The following POGLUT2 variants were observed in gnomAD, a reference collection of about 807,000 sequenced individuals.
POGLUT2 encodes protein O-glucosyltransferase 2.
POGLUT2 carries 47 observed loss-of-function variants against 57.6 expected under a neutral mutation model. That is an observed-to-expected ratio of 0.82 (90% CI 0.65 to 1.04). POGLUT2 has a LOEUF of 1.04. Ranked by LOEUF, POGLUT2 falls within the 50% of genes least tolerant of loss-of-function variation. The probability of loss-of-function intolerance (pLI) is 0.00; values close to 1 mark genes in which losing one functional copy is unlikely to be tolerated. For synonymous variants in POGLUT2, 200 were observed against 218.8 expected, an observed-to-expected ratio of 0.91 and a Z score of 0.76; for missense variants, 565 against 614.8, an observed-to-expected ratio of 0.92 and a Z score of 0.86.
intron 9 of POGLUT2, among the ~76,000 whole-genome samples, chr13:102,785,890 T>A (rs1877921589): frequency 6.6e-6 from 1 of 152,242 alleles, no homozygotes; most frequent in African/African-American, 2.4e-5. Context: ...TTTGCCAAAC[T>A]TATCTCATGA....
At position 102,797,441 on chromosome 13, in the gene POGLUT2, G is replaced by C. The variant is rs993722483; in HGVS notation, c.183-432C>G. ...TTACAATATCAGTATTATAAATCAC[G>C]CTCAGGCCTGGCACTGTGGCCCATG... On this transcript the variant is annotated intron_variant, in intron 1 of 9. Coordinates refer to ENST00000376004, the MANE Select transcript of POGLUT2 (RefSeq NM_024089.3). Among the ~76,000 whole-genome samples the C allele has an allele frequency of 3.0e-4, 45 of 151,966 alleles. 1 individual carries two copies. Among genetic ancestry groups the C allele is most frequent in the Non-Finnish European group, 2.9e-4 (20 of 68,014 alleles).
In POGLUT2 at chr13:102,793,543, T is replaced by G. The variant is rs1400425015; in HGVS notation, c.594+58A>C. On this transcript the variant is annotated intron_variant, in intron 3 of 9. Coordinates refer to ENST00000376004, the MANE Select transcript of POGLUT2 (RefSeq NM_024089.3). ...AATGATTTAGCTAATTGTAGCCAAA[T>G]GTTCAAAACAAGAAAAAAAATCACT... 4 of 1,483,030 alleles carry G rather than the reference T, an allele frequency of 2.7e-6. No homozygotes were observed. The African/African-American group carries it at 4.2e-5, about 15-fold the overall frequency. 91.9% of individuals were successfully genotyped at this position (1,483,030 alleles called of 1,614,324 possible).
rs771706607 is a variant in POGLUT2 at position 102,789,102 on chromosome 13, C to A, written c.1203G>T (p.Glu401Asp). 6.2e-7 allele frequency: 1 copy of A among 1,614,162 alleles called. No individual in the cohort carries two copies. Among genetic ancestry groups the A allele is most frequent in the Non-Finnish European group, 8.5e-7 (1 of 1,180,010 alleles). Residue 401 changes from glutamate (E) to aspartate (D), a missense_variant, in exon 7 of 10, where the codon GAG (glutamate) becomes GAT (aspartate). Glu to Asp is a conservative substitution (Grantham distance 45). Transcript: ENST00000376004. The stretch of plus-strand genomic sequence containing the variant: ...GAATGTAGTGTTTCCAGGGCTGCAG[C>A]TCATTGTAAAAATGTTCATAGTAGA... ...DSIYYEHFYN[E>D]LQPWKHYIPV...
At chr13:102,791,977 G>C (rs1447447575) in intron 4 of POGLUT2, 1 of 1,287,352 alleles carries the variant, frequency 7.8e-7, no homozygotes, top group Non-Finnish European at 1.0e-6. Context: ...CATTTTTAAG[G>C]CCAGAAAAGC....
chr13:102,786,043 T>C (rs556752521), intron 9 of POGLUT2, among the ~76,000 whole-genome samples, 189 bp downstream of exon 9: 2 of 152,360 alleles, frequency 1.3e-5, no homozygotes, highest in East Asian at 1.9e-4. Context: ...CTCAATTAAC[T>C]GCATTGTAGC....
chr13:102,794,592 G>A (rs993482900), intron 2 of POGLUT2, among the ~76,000 whole-genome samples: 1 of 152,220 alleles, frequency 6.6e-6, no homozygotes, highest in Non-Finnish European at 1.5e-5. Flanking sequence ...TTGAATCTGG[G>A]AGGTGAAGGT....
At chr13:102,785,128 A>T (rs980028015) in intron 9 of POGLUT2, among the ~76,000 whole-genome samples, 1 of 152,248 alleles carries the variant, frequency 6.6e-6, no homozygotes, top group Non-Finnish European at 1.5e-5. Context: ...TATAAAAAAC[A>T]AAGACAAAAA....
At chr13:102,792,136 C>A in intron 4 of POGLUT2, 1 of 1,228,014 alleles carries the variant, frequency 8.1e-7, no homozygotes, top group Non-Finnish European at 1.0e-6. Context: ...TATATAACTA[C>A]CTACATTCAG....
intron 4 of POGLUT2, among the ~76,000 whole-genome samples, chr13:102,791,745 C>G (rs1174920921): frequency 6.6e-6 from 1 of 152,152 alleles, no homozygotes; most frequent in Non-Finnish European, 1.5e-5. Flanking sequence ...GACTCTAACC[C>G]TAGTTTCCTG....
At chr13:102,788,263 A>G (rs1800624223) in intron 7 of POGLUT2, among the ~76,000 whole-genome samples, 1 of 152,200 alleles carries the variant, frequency 6.6e-6, no homozygotes, top group South Asian at 2.1e-4. Flanking sequence ...ATTAGCTTAA[A>G]GTTTATTGCA....
intron 9 of POGLUT2, 24 bp downstream of exon 9, chr13:102,786,208 G>A (rs756468055): frequency 1.9e-5 from 28 of 1,442,168 alleles, no homozygotes; most frequent in East Asian, 4.5e-5. Context: ...CTCTGACACC[G>A]GCCATAAGCT....
chr13:102,784,991 C>T (rs1377333049), intron 9 of POGLUT2, among the ~76,000 whole-genome samples: 1 of 152,088 alleles, frequency 6.6e-6, no homozygotes, highest in Non-Finnish European at 1.5e-5. Flanking sequence ...GAGGGGGAAC[C>T]TTTCGATTTG....
chr13:102,787,971 C>T, intron 7 of POGLUT2, 48 bp from the exon 8 acceptor site: 2 of 1,226,800 alleles, frequency 1.6e-6, no homozygotes, highest in Middle Eastern at 2.0e-4. Context: ...CCATTTTTCC[C>T]ATGCAGGCAT....
At chr13:102,788,317 T>G (rs2139084265) in intron 7 of POGLUT2, among the ~76,000 whole-genome samples, 1 of 152,362 alleles carries the variant, frequency 6.6e-6, no homozygotes, top group African/African-American at 2.4e-5. Flanking sequence ...CATCTACTTC[T>G]GAATCAATCC....
chr13:102,793,427 G>T lies in POGLUT2; in HGVS notation c.595-9C>A, dbSNP rs779697163. 11 of 1,547,744 alleles carry T rather than the reference G, an allele frequency of 7.1e-6. No homozygotes were observed. Among genetic ancestry groups the T allele is most frequent in the South Asian group, 1.1e-5 (1 of 88,304 alleles). Reference sequence around the variant, plus strand: ...TGAGTCTTGATATAAACCTAAAAGAGAATTTACCATTTATTATGTTAGTCT... The same window carrying T: ...TGAGTCTTGATATAAACCTAAAAGATAATTTACCATTTATTATGTTAGTCT... On this transcript the variant is annotated splice_polypyrimidine_tract_variant and intron_variant, in intron 3 of 9. Transcript: ENST00000376004.
chr13:102,792,524 C>G (rs1878219561), intron 4 of POGLUT2, among the ~76,000 whole-genome samples: 8 of 152,158 alleles, frequency 5.3e-5, no homozygotes, highest in Admixed American at 5.2e-4. Flanking sequence ...CTCAGAATGA[C>G]CTTATTTGGA....
At chr13:102,792,191 T>A in intron 4 of POGLUT2, 1 of 803,438 alleles carries the variant, frequency 1.2e-6, no homozygotes, top group Non-Finnish European at 1.5e-6. Flanking sequence ...AAAAAGGCAT[T>A]ATGATTTTCC....
chr13:102,786,175 G>T, intron 9 of POGLUT2, 57 bp downstream of exon 9: 1 of 1,144,554 alleles, frequency 8.7e-7, no homozygotes, highest in Non-Finnish European at 1.3e-6. Flanking sequence ...ATAAAAGCAA[G>T]TTTGGATCAA....
At chr13:102,787,984 G>T in intron 7 of POGLUT2, 61 bp from the exon 8 acceptor site, 1 of 967,532 alleles carries the variant, frequency 1.0e-6, no homozygotes, top group Non-Finnish European at 1.6e-6. Flanking sequence ...GCAGGCATCT[G>T]CAAACTGCTC....
Sources: allele counts gnomAD v4.1 joint callset (sites outside exome capture counted in the v4.1 genomes callset), GRCh38; gene constraint gnomAD v4.1.1; transcripts MANE v1.5; gene names NCBI Gene and HGNC (gene_info 2026-07-23, HGNC 2026-07-21).